The following PRH1 variants were observed in gnomAD, a reference collection of about 807,000 sequenced individuals.
PRH1 encodes proline rich protein HaeIII subfamily 1.
In PRH1, 7 loss-of-function variants were observed where a neutral mutation model predicts 7.9. The ratio of observed to expected loss-of-function variants is 0.89; its 90% CI spans 0.50 to 1.67. The LOEUF (loss-of-function observed/expected upper bound fraction) is 1.67. Ranked by LOEUF, PRH1 falls within the 40% of genes most tolerant of loss-of-function variation. The probability of loss-of-function intolerance (pLI) is 0.00; values close to 1 mark genes in which losing one functional copy is unlikely to be tolerated. For synonymous variants in PRH1, 45 were observed against 80.8 expected (o/e 0.56, Z 2.38); for missense variants, 109 against 223.6 (o/e 0.49, Z 3.27).
At chr12:11,001,089 A>C (rs1324315572) in intron 1 of PRH1, among the ~76,000 whole-genome samples, 1 of 152,090 alleles carries the variant, frequency 6.6e-6, no homozygotes, top group Non-Finnish European at 1.5e-5. Context: ...AAATAGAATA[A>C]AAGCTTGGTC....
At chr12:11,116,264 T>C (rs539989926), downstream of PRH1, among the ~76,000 whole-genome samples, 32 of 152,092 alleles carry the variant, frequency 2.1e-4, no homozygotes, top group African/African-American at 7.7e-4. Flanking sequence ...AGCAACTATA[T>C]GCCAATAAAT....
In PRH1 at chr12:11,087,306, T is replaced by C. The variant is rs1198833439; in HGVS notation, n.124-40118A>G. Among the ~76,000 whole-genome samples the C allele has an allele frequency of 1.7e-4, 20 of 116,746 alleles. 7 individuals are homozygous for C. The allele number at this position is 116,746 out of a possible 152,430, so 76.6% of individuals were successfully genotyped here. A position where few individuals can be genotyped will look rare whatever the true frequency, so the allele number is the denominator to read the frequency against. On this transcript the variant is annotated intron_variant and non_coding_transcript_variant, in intron 1 of 4. Coordinates refer to the PRH1 transcript ENST00000541977. ...TTGTAGAGATGGAGTTTCCATATGT[T>C]GCAAAGGGAACTCCTGCTCTCAAGG... is the stretch of plus-strand genomic sequence containing the variant.
At chr12:10,973,623 T>A in intron 2 of PRH1, 1 of 769,104 alleles carries the variant, frequency 1.3e-6, no homozygotes, top group Non-Finnish European at 2.4e-6. Flanking sequence ...GGTTTTCATT[T>A]GATCCTGTGT....
Position 11,042,623 on chromosome 12 carries a change from C to CTTTT in PRH1, c.-126+4393_-126+4396dup, listed in dbSNP as rs71051557. Among the ~76,000 whole-genome samples the CTTTT allele has an allele frequency of 9.8e-4, 78 of 79,310 alleles. 1 individual carries two copies. Among genetic ancestry groups the CTTTT allele is most frequent in the East Asian group, 3.0e-3 (8 of 2,654 alleles). The allele number at this position is 79,310 out of a possible 152,430, so 52.0% of individuals were successfully genotyped here. ...AAGAGGGACTACTTCCAGGCTCATT[C>CTTTT]TTTTTTTTTTTTTTTTTTTTTTTTG... On this transcript the variant is annotated intron_variant, in intron 1 of 3. Coordinates refer to the PRH1 transcript ENST00000539853.
Position 10,882,668 on chromosome 12 carries a change from T to C in PRH1, c.131A>G (p.Glu44Gly). The change falls in exon 3 of 4, where the codon GAG (glutamate) becomes GGG (glycine). Residue 44 changes from glutamate to glycine, a missense_variant. Glu to Gly is a moderately conservative substitution (Grantham distance 98). Transcript: ENST00000543626. ...DGGDSEQFLD[E>G]ERQGPPLGGQ... ...TCCCAAAGGTGGTCCCTGACGCTCC[T>C]CATCTAGGAACTGCTCAGAGTCTCC... 1 of 1,556,674 alleles carries C rather than the reference T, an allele frequency of 6.4e-7. No individual in the cohort carries two copies. The highest frequency in any genetic ancestry group is 1.2e-5 in the South Asian group (1 of 81,890).
chr12:10,899,427 G>A (rs553139681), intron 2 of PRH1, among the ~76,000 whole-genome samples: 30 of 152,180 alleles, frequency 2.0e-4, no homozygotes, highest in Non-Finnish European at 4.0e-4. Context: ...TTAGTGAGAA[G>A]TGTTTGAGTC....
intron 1 of PRH1, among the ~76,000 whole-genome samples, chr12:11,075,786 C>A (rs2136220224): frequency 6.9e-6 from 1 of 144,250 alleles, no homozygotes; most frequent in African/African-American, 2.5e-5. Context: ...CCTATAACCT[C>A]AACCTGAAAC....
rs560704719 is a variant in PRH1, at chr12:11,072,538, T to C, written n.124-25350A>G. ...AAGGATTGAAAAATAATAATCACAT[T>C]CTCCAAGGAATGGAATTGATCACTA... is the stretch of plus-strand genomic sequence containing the variant. On this transcript the variant is annotated intron_variant and non_coding_transcript_variant, in intron 1 of 4. Coordinates refer to the PRH1 transcript ENST00000541977. 1.4e-4 allele frequency among the ~76,000 whole-genome samples: 22 copies of C among 152,316 alleles called. No individual in the cohort carries two copies. The East Asian group carries it at 4.2e-3, about 29-fold the overall frequency.
intron 1 of PRH1, among the ~76,000 whole-genome samples, chr12:11,065,936 G>A (rs3983335): frequency 0.45 from 66,969 of 150,340 alleles, 15,345 homozygotes; most frequent in Non-Finnish European, 0.52. Flanking sequence ...AATTCAGTGA[G>A]CAGCACTGGA....
At chr12:10,936,893 A>C (rs1187185988) in intron 2 of PRH1, among the ~76,000 whole-genome samples, 1 of 152,098 alleles carries the variant, frequency 6.6e-6, no homozygotes, top group Non-Finnish European at 1.5e-5. Flanking sequence ...AGTCTTTCTG[A>C]AGCAGATTGG....
chr12:11,168,860 C>T (rs1271535537), intron 1 of PRH1, among the ~76,000 whole-genome samples: 2 of 152,192 alleles, frequency 1.3e-5, no homozygotes, highest in Non-Finnish European at 2.9e-5. Flanking sequence ...TAATTCTACA[C>T]TTTATCCAAA....
chr12:10,983,354 T>G (rs914052467), intron 1 of PRH1, among the ~76,000 whole-genome samples: 1 of 152,220 alleles, frequency 6.6e-6, no homozygotes, highest in African/African-American at 2.4e-5. Context: ...CAGCCATGAT[T>G]GGAGGGCATG....
chr12:11,169,144 G>A (rs952245596), intron 1 of PRH1, among the ~76,000 whole-genome samples: 1 of 152,316 alleles, frequency 6.6e-6, no homozygotes. Context: ...AGTCAATGCA[G>A]TTAATCTGTA....
At chr12:11,059,091 G>A (rs1943482974) in intron 1 of PRH1, among the ~76,000 whole-genome samples, 1 of 152,158 alleles carries the variant, frequency 6.6e-6, no homozygotes, top group Non-Finnish European at 1.5e-5. Flanking sequence ...TGGTAGTTCT[G>A]CCTCAGGGAA....
intron 1 of PRH1, among the ~76,000 whole-genome samples, chr12:11,043,514 T>C (rs958941114): frequency 6.6e-6 from 1 of 152,144 alleles, no homozygotes; most frequent in Admixed American, 6.5e-5. Context: ...ATCCCTGTTT[T>C]CAAACAATAT....
intron 1 of PRH1, among the ~76,000 whole-genome samples, chr12:10,998,091 C>T (rs73262972): frequency 0.012 from 1,817 of 152,212 alleles, 39 homozygotes; most frequent in African/African-American, 0.041. Flanking sequence ...CTGTTAGTCC[C>T]AAAACAACTC....
Position 10,986,197 on chromosome 12 carries a change from T to C in PRH1, c.-125-12476A>G, listed in dbSNP as rs1174168407. 24 of 1,614,118 alleles carry C rather than the reference T, an allele frequency of 1.5e-5. No individual in the cohort carries two copies. In the Middle Eastern group the frequency reaches 5.0e-4, roughly 33 times the overall value. On this transcript the variant is annotated intron_variant, in intron 1 of 3. Coordinates refer to the PRH1 transcript ENST00000539853. ...GTTTGCAAAGCTTTTATGTGGACCT[T>C]GGTGCTGAGATCTTGCGATCCTTCT...
intron 1 of PRH1, among the ~76,000 whole-genome samples, chr12:11,014,162 TG>T (rs1941187861): frequency 2.0e-5 from 3 of 152,186 alleles, no homozygotes; most frequent in Admixed American, 1.3e-4. Context: ...TTGAATCACT[TG>T]GCTACATTGT....
intron 2 of PRH1, among the ~76,000 whole-genome samples, chr12:10,946,933 T>C (rs1054139801): frequency 4.6e-5 from 7 of 152,206 alleles, no homozygotes; most frequent in Admixed American, 3.9e-4. Flanking sequence ...CATGTAATTG[T>C]ATGCTTTAAT....
Sources: gnomAD v4.1 joint callset for allele counts (sites outside exome capture counted in the v4.1 genomes callset) on GRCh38, gnomAD v4.1.1 for gene constraint, MANE v1.5 for transcripts, NCBI Gene and HGNC (gene_info 2026-07-23, HGNC 2026-07-21) for gene names.